PBX1: variants seen among roughly 807,000 people sequenced by gnomAD.
PBX1 encodes PBX homeobox 1.
In PBX1, 6 loss-of-function variants were observed where a neutral mutation model predicts 53.4. The ratio of observed to expected loss-of-function variants is 0.11; its 90% CI spans 0.06 to 0.22. The LOEUF is 0.22. Among genes scored for constraint, PBX1 ranks in the 10% least tolerant of loss-of-function variants. PBX1 has a pLI of 1.00. For synonymous variants in PBX1, 204 were observed against 212.3 expected (o/e 0.96, Z 0.34); for missense variants, 251 against 551.4 (o/e 0.46, Z 5.46).
chr1:164,584,459 A>T (rs1654824259), intron 2 of PBX1, among the ~76,000 whole-genome samples: 1 of 152,124 alleles, frequency 6.6e-6, no homozygotes, highest in African/African-American at 2.4e-5. Flanking sequence ...ATGTGTCGAG[A>T]ATTAGAAGAC....
intron 2 of PBX1, among the ~76,000 whole-genome samples, chr1:164,759,262 A>G (rs1666685399): frequency 6.6e-6 from 1 of 152,312 alleles, no homozygotes; most frequent in Admixed American, 6.5e-5. Context: ...ACAGGCAACG[A>G]TTAGGATCAT....
intron 2 of PBX1, among the ~76,000 whole-genome samples, chr1:164,584,161 C>T (rs558428532): frequency 6.6e-6 from 1 of 151,998 alleles, no homozygotes; most frequent in African/African-American, 2.4e-5. Flanking sequence ...TCACCTAAAT[C>T]TACTTTGGAT....
intron 2 of PBX1, among the ~76,000 whole-genome samples, chr1:164,712,837 G>A (rs1004149407): frequency 6.6e-6 from 1 of 152,210 alleles, no homozygotes; most frequent in Non-Finnish European, 1.5e-5. Flanking sequence ...AGGCATAGGT[G>A]TGCGGTTCTG....
chr1:164,661,171 A>C (rs549111654), intron 2 of PBX1, among the ~76,000 whole-genome samples: 1 of 152,350 alleles, frequency 6.6e-6, no homozygotes, highest in African/African-American at 2.4e-5. Flanking sequence ...AATTCTTCAG[A>C]GATTGAACCC....
At chr1:164,739,785 GTGTGTA>G (rs1244034220) in intron 2 of PBX1, among the ~76,000 whole-genome samples, 1 of 142,250 alleles carries the variant, frequency 7.0e-6, no homozygotes, top group African/African-American at 2.5e-5. Context: ...GTGTGTGTGT[GTGTGTA>G]TGTATATTAT....
At chr1:164,807,458 C>A (rs753320994) in intron 4 of PBX1, 84 bp from the exon 5 acceptor site, 29 of 1,500,350 alleles carry the variant, frequency 1.9e-5, no homozygotes, top group Non-Finnish European at 2.5e-5. Context: ...AATTTGTCTT[C>A]TCCCAGAAGT....
chr1:164,621,075 G>A (rs903176822), intron 2 of PBX1, among the ~76,000 whole-genome samples: 2 of 152,168 alleles, frequency 1.3e-5, no homozygotes, highest in Non-Finnish European at 2.9e-5. Context: ...TGCAACCTCC[G>A]CCTCCCGGAT....
intron 2 of PBX1, among the ~76,000 whole-genome samples, chr1:164,735,582 C>T (rs894182659): frequency 2.0e-5 from 3 of 152,188 alleles, no homozygotes; most frequent in Non-Finnish European, 4.4e-5. Flanking sequence ...GAAACATATT[C>T]ATTTAGCTTT....
chr1:164,560,684 T>G (rs1472131923), intron 1 of PBX1, among the ~76,000 whole-genome samples: 1 of 152,196 alleles, frequency 6.6e-6, no homozygotes, highest in Non-Finnish European at 1.5e-5. Flanking sequence ...GGTGATTTTG[T>G]TTTTAGGCAT....
At chr1:164,641,754 A>C (rs913337606) in intron 2 of PBX1, 1 of 152,190 alleles carries the variant, frequency 6.6e-6, no homozygotes, top group Non-Finnish European at 1.5e-5. Flanking sequence ...GTGAGAAAGG[A>C]TTTTATTGTA....
rs1171995624 is a variant in PBX1 at position 164,848,086 on chromosome 1, G to T, written c.*1410G>T. The stretch of plus-strand genomic sequence containing the variant: ...AGAGTTGTATAAGAACGTGGCTCAT[G>T]TGAACTTTTGCTAGCTTCATTTGAG... On this transcript the variant is annotated 3_prime_UTR_variant, in exon 9 of 9. Transcript: ENST00000420696. The T allele has an allele frequency of 9.5e-7, 1 of 1,052,166 alleles. No homozygotes were observed. The highest frequency in any genetic ancestry group is 1.1e-6 in the Non-Finnish European group (1 of 871,134). 65.2% of individuals were successfully genotyped at this position (1,052,166 alleles called of 1,614,324 possible).
intron 2 of PBX1, among the ~76,000 whole-genome samples, chr1:164,602,287 C>T (rs943009681): frequency 1.4e-4 from 22 of 152,112 alleles, no homozygotes; most frequent in African/African-American, 4.3e-4. Context: ...TATGGGAGGG[C>T]CCCACCCTCC....
chr1:164,640,577 G>A (rs573961183), intron 2 of PBX1, among the ~76,000 whole-genome samples: 1 of 98,348 alleles, frequency 1.0e-5, no homozygotes, highest in African/African-American at 3.7e-5. Flanking sequence ...TTTTTTTTTA[G>A]ACGAAATTTT....
rs1311422239 is a variant in PBX1, at chr1:164,875,587, C to T, written n.258-23601C>T. 2.6e-5 allele frequency among the ~76,000 whole-genome samples: 4 copies of T among 152,136 alleles called. No individual in the cohort carries two copies. In the East Asian group the frequency reaches 7.8e-4, roughly 30 times the overall value. ...GTACTGGAATTACTGGGGCAAGCCA[C>T]CATGCCTGGGCCAAAAATCACCCTT... On this transcript the variant is annotated intron_variant and non_coding_transcript_variant, in intron 2 of 2. Coordinates refer to the PBX1 transcript ENST00000558796.
intron 2 of PBX1, among the ~76,000 whole-genome samples, chr1:164,710,688 G>A (rs1217014724): frequency 6.6e-6 from 1 of 152,190 alleles, no homozygotes; most frequent in Non-Finnish European, 1.5e-5. Flanking sequence ...TGGGATTATA[G>A]GTGTGAACCA....
intron 2 of PBX1, among the ~76,000 whole-genome samples, chr1:164,613,985 A>G (rs1315247275): frequency 6.6e-6 from 1 of 151,854 alleles, no homozygotes; most frequent in Non-Finnish European, 1.5e-5. Flanking sequence ...GCAGCACTTG[A>G]GCAGATCAAC....
intron 2 of PBX1, among the ~76,000 whole-genome samples, chr1:164,574,322 C>A (rs1291513022): frequency 2.0e-5 from 3 of 152,184 alleles, no homozygotes; most frequent in Non-Finnish European, 2.9e-5. Flanking sequence ...CCCTCTGCAG[C>A]CTCACACTGA....
chr1:164,579,908 A>G (rs374611146), intron 2 of PBX1, among the ~76,000 whole-genome samples: 27 of 152,236 alleles, frequency 1.8e-4, no homozygotes, highest in Admixed American at 2.0e-4. Context: ...AGATGAGGAA[A>G]CTGAGGCATA....
chr1:164,571,481 G>A (rs368260017), intron 2 of PBX1, among the ~76,000 whole-genome samples: 4 of 151,888 alleles, frequency 2.6e-5, no homozygotes, highest in African/African-American at 7.3e-5. Context: ...TGTTTAGCAC[G>A]TTTTCGAGGG....
Sources: allele counts gnomAD v4.1 joint callset (sites outside exome capture counted in the v4.1 genomes callset), GRCh38; gene constraint gnomAD v4.1.1; transcripts MANE v1.5; gene names NCBI Gene and HGNC (gene_info 2026-07-23, HGNC 2026-07-21).